The following NDUFA9 variants were observed in gnomAD, a reference collection of about 807,000 sequenced individuals.
NDUFA9 encodes NADH:ubiquinone oxidoreductase subunit A9, also known as NADH dehydrogenase [ubiquinone] 1 alpha subcomplex subunit 9, mitochondrial.
NDUFA9 carries 23 observed loss-of-function variants against 45.9 expected under a neutral mutation model. That is an observed-to-expected ratio of 0.50 (90% CI 0.36 to 0.71). The LOEUF is 0.71. Among genes scored for constraint, NDUFA9 ranks in the 30% least tolerant of loss-of-function variants. The pLI is 0.00. For missense variants in NDUFA9, 466 were observed against 488.2 expected, an observed-to-expected ratio of 0.95 and a Z score of 0.43; for synonymous variants, 176 against 170.5, an observed-to-expected ratio of 1.03 and a Z score of -0.25.
intron 1 of NDUFA9, chr12:4,653,404 A>G: frequency 3.5e-6 from 1 of 284,460 alleles, no homozygotes; most frequent in Non-Finnish European, 6.8e-6. Context: ...TCAAAGCAGA[A>G]TGGGCAGCTA....
intron 9 of NDUFA9, among the ~76,000 whole-genome samples, chr12:4,683,529 G>T (rs145251204): frequency 6.6e-6 from 1 of 152,178 alleles, no homozygotes; most frequent in African/African-American, 2.4e-5. Context: ...TCTAACAGGG[G>T]TACCAGAAAA....
chr12:4,677,659 G>A (rs921443288), intron 8 of NDUFA9, among the ~76,000 whole-genome samples: 1 of 152,214 alleles, frequency 6.6e-6, no homozygotes, highest in East Asian at 1.9e-4. Flanking sequence ...ATGCTGGAGA[G>A]GATGTGGAGA....
chr12:4,691,472 TG>T lies in NDUFA9; in HGVS notation c.*4365del, dbSNP rs1946018153. On this transcript the variant is annotated 3_prime_UTR_variant, in exon 11 of 11. Coordinates refer to ENST00000266544, the MANE Select transcript of NDUFA9 (RefSeq NM_005002.5). ...TGGATCTTTCTGGCTACAAAACTGA[TG>T]CCTTGTTCCAGAAAGGATTTAAGGA... is the stretch of plus-strand genomic sequence containing the variant. 1 of 152,258 alleles carries T rather than the reference TG, an allele frequency of 6.6e-6. No individual in the cohort carries two copies. Among genetic ancestry groups the T allele is most frequent in the African/African-American group, 2.4e-5 (1 of 41,466 alleles). The allele number at this position is 152,258 out of a possible 1,614,324, so 9.4% of individuals were successfully genotyped here. A position where few individuals can be genotyped will look rare whatever the true frequency, so the allele number is the denominator to read the frequency against.
Position 4,668,438 on chromosome 12 carries a change from T to TCATTC in NDUFA9, c.656-18_656-14dup. On this transcript the variant is annotated intron_variant, in intron 6 of 10. Transcript: ENST00000266544. ...AATTTAAGCCTTCTCAGTATAGTTC[T>TCATTC]CATTCTTTCTTCCGCTAGGTATGCA... is the stretch of plus-strand genomic sequence containing the variant. 2 of 1,604,722 alleles carry TCATTC rather than the reference T, an allele frequency of 1.2e-6. No individual in the cohort carries two copies. The highest frequency in any genetic ancestry group is 1.7e-6 in the Non-Finnish European group (2 of 1,171,414).
intron 1 of NDUFA9, among the ~76,000 whole-genome samples, chr12:4,650,987 G>T (rs907390551): frequency 6.6e-6 from 1 of 152,136 alleles, no homozygotes; most frequent in Non-Finnish European, 1.5e-5. Context: ...CTAATAAGTT[G>T]TGGAAATATA....
At chr12:4,669,935 C>T in intron 8 of NDUFA9, 118 bp downstream of exon 8, 1 of 743,482 alleles carries the variant, frequency 1.3e-6, no homozygotes, top group Non-Finnish European at 2.3e-6. Flanking sequence ...CTCCTCATTG[C>T]TTGCATTAAA....
At chr12:4,686,170 T>C (rs927424033) in intron 10 of NDUFA9, among the ~76,000 whole-genome samples, 1 of 152,248 alleles carries the variant, frequency 6.6e-6, no homozygotes, top group Non-Finnish European at 1.5e-5. Context: ...GAGTAGGTTT[T>C]GGATTTGGTT....
chr12:4,680,389 C>A (rs1945945355), intron 8 of NDUFA9, among the ~76,000 whole-genome samples: 1 of 152,062 alleles, frequency 6.6e-6, no homozygotes, highest in Admixed American at 6.6e-5. Flanking sequence ...GCCTGGGAGA[C>A]AAGATTTTGC....
At chr12:4,676,604 A>T (rs898564389) in intron 8 of NDUFA9, among the ~76,000 whole-genome samples, 1 of 152,234 alleles carries the variant, frequency 6.6e-6, no homozygotes, top group East Asian at 1.9e-4. Flanking sequence ...TGAAGGACCT[A>T]TTCAAGGAGA....
In NDUFA9 at chr12:4,649,192, A is replaced by T. The variant is rs1244127429; in HGVS notation, c.49+17A>T. 1 of 1,599,366 alleles carries T rather than the reference A, an allele frequency of 6.3e-7. No individual in the cohort carries two copies. The highest frequency in any genetic ancestry group is 1.7e-5 in the Admixed American group (1 of 57,906). On this transcript the variant is annotated intron_variant, in intron 1 of 10. Transcript: ENST00000266544. ...CAATGTCACGTAAGTGTTACCGGGAACGGCGGCCCCTGGTCGGGATTCCGA... is the reference window on the plus strand; with the variant it reads ...CAATGTCACGTAAGTGTTACCGGGATCGGCGGCCCCTGGTCGGGATTCCGA...
chr12:4,675,117 A>T (rs1168631507), intron 8 of NDUFA9, among the ~76,000 whole-genome samples: 1 of 152,236 alleles, frequency 6.6e-6, no homozygotes, highest in African/African-American at 2.4e-5. Flanking sequence ...TTTGAAACCG[A>T]TGAGAACAAA....
intron 5 of NDUFA9, among the ~76,000 whole-genome samples, chr12:4,660,667 C>T (rs137864107): frequency 2.1e-4 from 32 of 152,146 alleles, no homozygotes; most frequent in Admixed American, 2.0e-4. Flanking sequence ...CATGATAAGG[C>T]GGAAGGGAAA....
At chr12:4,682,340 C>A in intron 9 of NDUFA9, 40 bp downstream of exon 9, 1 of 1,425,972 alleles carries the variant, frequency 7.0e-7, no homozygotes. Flanking sequence ...CTGAAAAAGC[C>A]AGCTCCACAC....
intron 9 of NDUFA9, chr12:4,684,989 G>T: frequency 1.7e-6 from 1 of 599,798 alleles, no homozygotes; most frequent in Admixed American, 2.9e-5. Flanking sequence ...TTGTTTGTTG[G>T]TTTTATTTCA....
intron 8 of NDUFA9, among the ~76,000 whole-genome samples, chr12:4,680,947 C>T (rs139553551): frequency 1.3e-5 from 2 of 152,072 alleles, no homozygotes; most frequent in African/African-American, 2.4e-5. Context: ...TAGAGCGGAA[C>T]GTTCAGAAAC....
chr12:4,679,068 A>G (rs907656198), intron 8 of NDUFA9, among the ~76,000 whole-genome samples: 4 of 152,216 alleles, frequency 2.6e-5, no homozygotes, highest in African/African-American at 9.6e-5. Flanking sequence ...TAGCATTCTC[A>G]TATAATAGAA....
At chr12:4,662,679 A>G in intron 6 of NDUFA9, 44 bp downstream of exon 6, 1 of 1,473,984 alleles carries the variant, frequency 6.8e-7, no homozygotes, top group Non-Finnish European at 9.5e-7. Flanking sequence ...ATACTGATTA[A>G]CCAAGTTGAA....
chr12:4,684,289 C>G (rs900220657), intron 9 of NDUFA9, among the ~76,000 whole-genome samples: 1 of 152,154 alleles, frequency 6.6e-6, no homozygotes, highest in Non-Finnish European at 1.5e-5. Context: ...GTTTTTCAAG[C>G]CTTTAAACGG....
intron 1 of NDUFA9, among the ~76,000 whole-genome samples, chr12:4,653,073 C>A (rs1293642789): frequency 1.3e-5 from 2 of 152,246 alleles, no homozygotes; most frequent in Admixed American, 6.5e-5. Context: ...AGTGCGTTAG[C>A]ACTTTAAACC....
Sources: allele counts gnomAD v4.1 joint callset (sites outside exome capture counted in the v4.1 genomes callset), GRCh38; gene constraint gnomAD v4.1.1; transcripts MANE v1.5; gene names NCBI Gene and HGNC (gene_info 2026-07-23, HGNC 2026-07-21).